PLPP1: variants seen among roughly 807,000 people sequenced by gnomAD.
PLPP1 encodes phospholipid phosphatase 1.
PLPP1 carries 24 observed loss-of-function variants against 31.2 expected under a neutral mutation model. That is an observed-to-expected ratio of 0.77 (90% confidence interval 0.56 to 1.08). PLPP1 has a LOEUF of 1.08. Ranked by LOEUF, PLPP1 falls within the 50% of genes least tolerant of loss-of-function variation. PLPP1 has a pLI of 0.00. For synonymous variants in PLPP1, 146 were observed against 126.3 expected, an observed-to-expected ratio of 1.16 and a Z score of -1.05; for missense variants, 319 against 342.7, an observed-to-expected ratio of 0.93 and a Z score of 0.55.
At chr5:55,486,301 G>GTGGC (rs1752773373) in intron 1 of PLPP1, among the ~76,000 whole-genome samples, 1 of 152,024 alleles carries the variant, frequency 6.6e-6, no homozygotes, top group South Asian at 2.1e-4. Context: ...AATATATAAA[G>GTGGC]TGGCTGGATG....
At position 55,534,914 on chromosome 5, in the gene PLPP1, C is replaced by T. The variant is rs1458361675; in HGVS notation, c.-285G>A. ...TCTGTAGCCTCAGGACCTCCTCAGC[C>T]GGCACGGCCTGCCCCGGTTGCTCCC... On this transcript the variant is annotated 5_prime_UTR_variant, in exon 1 of 6. Coordinates refer to ENST00000307259, the MANE Select transcript of PLPP1 (RefSeq NM_003711.4). 4.6e-6 allele frequency: 2 copies of T among 436,862 alleles called. No individual in the cohort carries two copies. The highest frequency in any genetic ancestry group is 4.2e-5 in the African/African-American group (2 of 47,670). The allele number at this position is 436,862 out of a possible 1,614,324, so 27.1% of individuals were successfully genotyped here.
At chr5:55,512,513 AAAGAAAGAAAGAAAGAAAGAAAG>A (rs1270401296) in intron 1 of PLPP1, among the ~76,000 whole-genome samples, 1 of 6,612 alleles carries the variant, frequency 1.5e-4, no homozygotes, top group African/African-American at 4.4e-4. Context: ...AAAGAAAAGA[AAAGAAAGAAAGAAAGAAAGAAAG>A]AAAGAAAGAA....
intron 1 of PLPP1, among the ~76,000 whole-genome samples, chr5:55,513,558 C>G (rs1361696176): frequency 6.6e-6 from 1 of 152,234 alleles, no homozygotes; most frequent in East Asian, 1.9e-4. Flanking sequence ...AGGCATGAGC[C>G]ACTGCGCCCG....
chr5:55,428,623 T>A (rs1751267202), intron 4 of PLPP1, among the ~76,000 whole-genome samples: 1 of 152,236 alleles, frequency 6.6e-6, no homozygotes, highest in African/African-American at 2.4e-5. Flanking sequence ...TTACTTTAGC[T>A]TTCCCTAAAT....
intron 1 of PLPP1, among the ~76,000 whole-genome samples, chr5:55,511,540 G>A (rs550644920): frequency 6.7e-6 from 1 of 149,792 alleles, no homozygotes; most frequent in South Asian, 2.1e-4. Context: ...GGAAAGATAA[G>A]CAACCAAAAT....
At chr5:55,449,163 AAAT>A (rs1751838594) in intron 3 of PLPP1, among the ~76,000 whole-genome samples, 1 of 152,242 alleles carries the variant, frequency 6.6e-6, no homozygotes, top group Non-Finnish European at 1.5e-5. Context: ...GACATATTTT[AAAT>A]GTTACTTATT....
chr5:55,484,703 G>T (rs1752740183), intron 1 of PLPP1: 1 of 152,072 alleles, frequency 6.6e-6, no homozygotes, highest in Admixed American at 6.6e-5. Context: ...GAGCCCCTTG[G>T]TTCACACCTG....
intron 1 of PLPP1, among the ~76,000 whole-genome samples, chr5:55,476,041 C>T (rs1561238079): frequency 1.4e-5 from 2 of 147,236 alleles, no homozygotes; most frequent in African/African-American, 5.0e-5. Flanking sequence ...TGCGATGGTG[C>T]GATCATAGCT....
At chr5:55,477,989 AAAAGAAAGAAAG>A (rs572683490) in intron 1 of PLPP1, among the ~76,000 whole-genome samples, 1 of 151,688 alleles carries the variant, frequency 6.6e-6, no homozygotes, top group South Asian at 2.1e-4. Flanking sequence ...TAAAAAAAAA[AAAAGAAAGAAAG>A]AAAGAAAGAA....
chr5:55,504,524 C>CAA (rs70995703), intron 1 of PLPP1, among the ~76,000 whole-genome samples: 25 of 54,264 alleles, frequency 4.6e-4, no homozygotes, highest in East Asian at 2.8e-3. Context: ...GACTCCATCT[C>CAA]AAAAAAAAAA....
At chr5:55,491,073 GAT>G in intron 1 of PLPP1, 3 of 1,613,940 alleles carry the variant, frequency 1.9e-6, no homozygotes, top group Non-Finnish European at 2.5e-6. Flanking sequence ...CTCTGAAATG[GAT>G]ATATTTGGCC....
chr5:55,426,045 A>G lies in PLPP1; in HGVS notation c.550-6T>C, dbSNP rs1204850996. On this transcript the variant is annotated splice_polypyrimidine_tract_variant and splice_region_variant and intron_variant, in intron 4 of 5. Coordinates refer to ENST00000307259, the MANE Select transcript of PLPP1 (RefSeq NM_003711.4). ...ATCCTGGCTTGAAGATAAAGCTAAA[A>G]GAAAAGAATAAAGAAAAAAATAGTT... The G allele has an allele frequency of 3.8e-6, 6 of 1,573,264 alleles. No homozygotes were observed. The highest frequency in any genetic ancestry group is 5.1e-6 in the Non-Finnish European group (6 of 1,166,782).
intron 1 of PLPP1, among the ~76,000 whole-genome samples, chr5:55,512,495 A>AAAGG (rs1190411447): frequency 1.4e-3 from 14 of 10,104 alleles, no homozygotes; most frequent in South Asian, 0.011. Context: ...AAAGAAAGAA[A>AAAGG]GAAAAGAAAA....
At chr5:55,520,655 AGAC>A (rs1753644055) in intron 1 of PLPP1, among the ~76,000 whole-genome samples, 1 of 152,250 alleles carries the variant, frequency 6.6e-6, no homozygotes, top group Non-Finnish European at 1.5e-5. Flanking sequence ...AGATGGAGCT[AGAC>A]TTTAAACCCT....
At chr5:55,510,531 T>C (rs184731467) in intron 1 of PLPP1, among the ~76,000 whole-genome samples, 34 of 152,344 alleles carry the variant, frequency 2.2e-4, no homozygotes, top group African/African-American at 8.2e-4. Flanking sequence ...TCAATCTTAC[T>C]ATACATTTTT....
chr5:55,503,736 G>A (rs11747577), intron 1 of PLPP1, among the ~76,000 whole-genome samples: 114,089 of 144,690 alleles, frequency 0.79, 45,805 homozygotes, highest in Middle Eastern at 0.88. Flanking sequence ...CAGAGGTCGT[G>A]CCACTGCACT....
At chr5:55,528,092 G>A (rs147175948) in intron 1 of PLPP1, among the ~76,000 whole-genome samples, 1 of 152,226 alleles carries the variant, frequency 6.6e-6, no homozygotes. Flanking sequence ...GCAAAACACA[G>A]GTATAAGGAA....
chr5:55,467,741 A>G (rs1752335231), intron 3 of PLPP1, 128 bp downstream of exon 3: 1 of 1,030,936 alleles, frequency 9.7e-7, no homozygotes, highest in Non-Finnish European at 1.4e-6. Flanking sequence ...TTCATACAAG[A>G]TCAAAATTCA....
rs1472552608 is a variant in PLPP1 at position 55,534,679 on chromosome 5, G to A, written c.-50C>T. The A allele has an allele frequency of 4.7e-6, 7 of 1,500,460 alleles. No homozygotes were observed. The highest frequency in any genetic ancestry group is 6.2e-6 in the Non-Finnish European group (7 of 1,121,474). The allele number at this position is 1,500,460 out of a possible 1,614,324, so 92.9% of individuals were successfully genotyped here. A position where few individuals can be genotyped will look rare whatever the true frequency, so the allele number is the denominator to read the frequency against. On this transcript the variant is annotated 5_prime_UTR_variant, in exon 1 of 6. Coordinates refer to ENST00000307259, the MANE Select transcript of PLPP1 (RefSeq NM_003711.4). ...AGGGCGATGGACTGAGCTGCGGGAC[G>A]GCGGCCGAGGCCCTTGATTCTCGAG...
Sources: allele counts gnomAD v4.1 joint callset (sites outside exome capture counted in the v4.1 genomes callset), GRCh38; gene constraint gnomAD v4.1.1; transcripts MANE v1.5; gene names NCBI Gene and HGNC (gene_info 2026-07-23, HGNC 2026-07-21).